Variants in NEDD9 observed in about 807,000 individuals in gnomAD.
The protein encoded by NEDD9 is enhancer of filamentation 1.
Under a neutral mutation model 76.6 loss-of-function variants are expected in NEDD9, and 26 were observed. The observed-to-expected ratio is 0.34, with a 90% CI of 0.25 to 0.47. The LOEUF (loss-of-function observed/expected upper bound fraction) is 0.47, where lower values mean the gene tolerates loss of function less well. Among genes scored for constraint, NEDD9 ranks in the 20% least tolerant of loss-of-function variants. NEDD9 has a pLI of 1.00. For missense variants in NEDD9, 937 were observed against 1,058.5 expected (o/e 0.89, Z 1.59); for synonymous variants, 392 against 414.2 (o/e 0.95, Z 0.65).
intron 2 of NEDD9, among the ~76,000 whole-genome samples, chr6:11,315,086 A>G (rs975752882): frequency 2.0e-5 from 3 of 152,202 alleles, no homozygotes; most frequent in African/African-American, 7.2e-5. Context: ...CCCAGGATCA[A>G]TGCAGCCAAC....
chr6:11,281,822 C>T (rs1014800251), intron 3 of NEDD9, among the ~76,000 whole-genome samples: 6 of 152,096 alleles, frequency 3.9e-5, no homozygotes, highest in Admixed American at 1.3e-4. Flanking sequence ...GATGTGATCT[C>T]GGCTGACTGC....
At chr6:11,262,447 T>A (rs1760132427) in intron 3 of NEDD9, among the ~76,000 whole-genome samples, 1 of 152,192 alleles carries the variant, frequency 6.6e-6, no homozygotes, top group South Asian at 2.1e-4. Context: ...CTTCCTGTCC[T>A]AAGGTGCCAA....
At chr6:11,325,360 A>C (rs1761901868) in intron 2 of NEDD9, among the ~76,000 whole-genome samples, 1 of 152,156 alleles carries the variant, frequency 6.6e-6, no homozygotes, top group South Asian at 2.1e-4. Context: ...GTCTCAAAAA[A>C]AAAAAAAAAG....
chr6:11,342,712 C>T (rs1052362746), intron 1 of NEDD9, among the ~76,000 whole-genome samples: 31 of 152,044 alleles, frequency 2.0e-4, no homozygotes, highest in African/African-American at 7.0e-4. Context: ...CAGGAAGAAA[C>T]CACACAAAGA....
At chr6:11,237,484 T>C (rs142240855), upstream of NEDD9, among the ~76,000 whole-genome samples, 15 of 152,338 alleles carry the variant, frequency 9.8e-5, no homozygotes, top group Non-Finnish European at 1.5e-4. The surrounding 1 kb of genome is among the most constrained non-coding windows in gnomAD (Gnocchi z 4.9). Context: ...GGTGTTAGGA[T>C]GCACCTTTTC....
chr6:11,318,394 G>T (rs1406385550), intron 2 of NEDD9, among the ~76,000 whole-genome samples: 2 of 152,172 alleles, frequency 1.3e-5, no homozygotes, highest in Non-Finnish European at 2.9e-5. Flanking sequence ...TGGAGCGGGG[G>T]ATGAGAAACA....
chr6:11,260,187 AG>A (rs1199041635), intron 3 of NEDD9, among the ~76,000 whole-genome samples: 1 of 152,236 alleles, frequency 6.6e-6, no homozygotes, highest in African/African-American at 2.4e-5. Context: ...TATATAAAAA[AG>A]GGTTCAAAAA....
intron 2 of NEDD9, among the ~76,000 whole-genome samples, chr6:11,202,016 A>G (rs1187756940): frequency 6.6e-6 from 1 of 150,968 alleles, no homozygotes; most frequent in African/African-American, 2.5e-5. Flanking sequence ...GGAGCTAGGT[A>G]ACCCAGGATG....
intron 3 of NEDD9, among the ~76,000 whole-genome samples, chr6:11,248,226 A>C (rs111742510): frequency 6.6e-6 from 1 of 151,312 alleles, no homozygotes; most frequent in Non-Finnish European, 1.5e-5. Flanking sequence ...TTGAGAAGGA[A>C]AAAAAAAAGA....
At chr6:11,275,553 C>CA (rs1326666651) in intron 3 of NEDD9, among the ~76,000 whole-genome samples, 1 of 150,326 alleles carries the variant, frequency 6.7e-6, no homozygotes, top group African/African-American at 2.5e-5. Flanking sequence ...CATACACACA[C>CA]ACACACACAC....
intron 3 of NEDD9, among the ~76,000 whole-genome samples, chr6:11,281,003 T>C (rs905433278): frequency 2.6e-5 from 4 of 152,240 alleles, no homozygotes; most frequent in Admixed American, 6.5e-5. Flanking sequence ...TTCTACGACA[T>C]GCATAAGCAT....
At chr6:11,229,558 A>G (rs986219081) in intron 1 of NEDD9, among the ~76,000 whole-genome samples, 2 of 152,004 alleles carry the variant, frequency 1.3e-5, no homozygotes, top group Non-Finnish European at 2.9e-5. Flanking sequence ...AACCAAGGCC[A>G]TCGAGGCAAT....
At chr6:11,206,189 TG>T (rs1758612102) in intron 2 of NEDD9, among the ~76,000 whole-genome samples, 1 of 151,962 alleles carries the variant, frequency 6.6e-6, no homozygotes, top group East Asian at 1.9e-4. Context: ...GAGGCCGAGG[TG>T]GGCAGATCAC....
intron 1 of NEDD9, among the ~76,000 whole-genome samples, chr6:11,371,045 G>A (rs1762865052): frequency 1.3e-5 from 2 of 152,128 alleles, no homozygotes; most frequent in Admixed American, 1.3e-4. Context: ...GCAAACGTCC[G>A]GTGTTGGGCA....
chr6:11,349,095 A>G (rs1420215239), intron 1 of NEDD9, among the ~76,000 whole-genome samples: 1 of 152,206 alleles, frequency 6.6e-6, no homozygotes. Context: ...CAACGCCATT[A>G]AAAATTTGGC....
chr6:11,185,573 A>C lies in NEDD9; in HGVS notation c.2094T>G (p.Ser698Arg), dbSNP rs559715850. Residue 698 changes from serine (S) to arginine (R), a missense_variant, in exon 7 of 7, where the codon AGT (serine) becomes AGG (arginine). Physicochemically the swap from Ser to Arg is moderately radical, Grantham distance 110. Coordinates refer to ENST00000379446, the MANE Select transcript of NEDD9 (RefSeq NM_006403.4). The part of the protein sequence containing the change: ...KPSQSLPTTN[S>R]GVSAQDRQLL... ...ACTGCCGATCCTGAGCACTCACGCC[A>C]CTGTTTGTGGTGGGTAGGCTCTGAG... 1 of 1,614,180 alleles carries C rather than the reference A, an allele frequency of 6.2e-7. No homozygotes were observed. Among genetic ancestry groups the C allele is most frequent in the Non-Finnish European group, 8.5e-7 (1 of 1,180,030 alleles).
chr6:11,321,097 A>G (rs1172508804), intron 2 of NEDD9, among the ~76,000 whole-genome samples: 1 of 148,788 alleles, frequency 6.7e-6, no homozygotes, highest in African/African-American at 2.5e-5. Flanking sequence ...AAAGAAAAAG[A>G]GGGAGGGAAA....
intron 2 of NEDD9, among the ~76,000 whole-genome samples, chr6:11,323,607 A>G (rs574241894): frequency 6.6e-6 from 1 of 152,354 alleles, no homozygotes; most frequent in Non-Finnish European, 1.5e-5. Context: ...GGTACACTGG[A>G]CAGTCTTCCA....
chr6:11,295,076 A>G (rs991015619), intron 3 of NEDD9, among the ~76,000 whole-genome samples: 3 of 152,204 alleles, frequency 2.0e-5, no homozygotes, highest in African/African-American at 7.2e-5. Context: ...CTCCCCGGCC[A>G]TGTGGAATGG....
Sources: gnomAD v4.1 joint callset for allele counts (sites outside exome capture counted in the v4.1 genomes callset) on GRCh38, gnomAD v4.1.1 for gene constraint, Gnocchi (gnomAD v3.1) non-coding constraint, MANE v1.5 for transcripts, NCBI Gene and HGNC (gene_info 2026-07-23, HGNC 2026-07-21) for gene names.